LINGO1: variants seen among roughly 807,000 people sequenced by gnomAD.
LINGO1 encodes leucine rich repeat and Ig domain containing 1.
Under a neutral mutation model 37.3 loss-of-function variants are expected in LINGO1, and 11 were observed. The observed-to-expected ratio is 0.29, with a 90% CI of 0.19 to 0.49. The LOEUF (loss-of-function observed/expected upper bound fraction) is 0.49. Among genes scored for constraint, LINGO1 ranks in the 20% least tolerant of loss-of-function variants. The probability of loss-of-function intolerance (pLI) is 0.99; values close to 1 mark genes in which losing one functional copy is unlikely to be tolerated. For missense variants in LINGO1, 585 were observed against 878.2 expected, an observed-to-expected ratio of 0.67 and a Z score of 4.22; for synonymous variants, 387 against 403.0, an observed-to-expected ratio of 0.96 and a Z score of 0.48.
upstream of LINGO1, among the ~76,000 whole-genome samples, chr15:77,789,057 C>G (rs1027044507): frequency 3.9e-5 from 6 of 152,258 alleles, no homozygotes; most frequent in Admixed American, 6.5e-5. Context: ...CTGTGCACCC[C>G]ACGGCATGAG....
rs151212801 is a variant in LINGO1 at position 77,739,125 on chromosome 15, C to T, written c.-256-4072G>A. On this transcript the variant is annotated intron_variant, in intron 1 of 3. Coordinates refer to the LINGO1 transcript ENST00000561686. ...CCCATTCAGGAGGGAGCCTTGGGGG[C>T]GGCCGGCAGCTGAACGCAACCGGCG... 1.7e-3 allele frequency among the ~76,000 whole-genome samples: 258 copies of T among 152,358 alleles called. 1 individual carries two copies. The highest frequency in any genetic ancestry group is 6.0e-3 in the African/African-American group (248 of 41,598).
rs552924237 is a variant in LINGO1, at chr15:77,689,199, T to C, written c.-99+1521A>G. ...AGAGGTGGAGGGCAAGTGCAGAGCCTGGGTGTGGAAGAGGTTTCTCCAAAG... is the reference window on the plus strand; with the variant it reads ...AGAGGTGGAGGGCAAGTGCAGAGCCCGGGTGTGGAAGAGGTTTCTCCAAAG... On this transcript the variant is annotated intron_variant, in intron 2 of 3. Transcript: ENST00000559893. 2.3e-4 allele frequency among the ~76,000 whole-genome samples: 35 copies of C among 152,244 alleles called. No homozygotes were observed. The South Asian group carries it at 6.8e-3, about 30-fold the overall frequency.
At chr15:77,752,381 C>T (rs11072671) in intron 1 of LINGO1, among the ~76,000 whole-genome samples, 84,964 of 152,038 alleles carry the variant, frequency 0.56, 24,354 homozygotes, top group African/African-American at 0.69. Context: ...ATTATTTCAT[C>T]ATCCAAAGCC....
intron 2 of LINGO1, among the ~76,000 whole-genome samples, chr15:77,720,931 T>C (rs11631410): frequency 0.47 from 70,941 of 151,752 alleles, 17,069 homozygotes; most frequent in Admixed American, 0.59. Context: ...GCTGAAGGAC[T>C]GTCCCTCCCA....
chr15:77,628,352 G>A (rs538998485), intron 1 of LINGO1, among the ~76,000 whole-genome samples: 3 of 152,142 alleles, frequency 2.0e-5, no homozygotes, highest in Admixed American at 6.5e-5. Context: ...AGGATCACAT[G>A]ACAGAACATT....
At chr15:77,710,414 G>C (rs1437643358) in intron 2 of LINGO1, among the ~76,000 whole-genome samples, 2 of 152,230 alleles carry the variant, frequency 1.3e-5, no homozygotes, top group Non-Finnish European at 2.9e-5. Context: ...CCAGCTGGTA[G>C]AGAGTCTCGG....
intron 2 of LINGO1, among the ~76,000 whole-genome samples, chr15:77,712,585 C>T (rs2075931711): frequency 6.6e-6 from 1 of 152,168 alleles, no homozygotes; most frequent in Admixed American, 6.5e-5. Context: ...CCAGCAGTCC[C>T]AGCTCCAGCC....
At chr15:77,684,783 T>C (rs1008532630) in intron 2 of LINGO1, among the ~76,000 whole-genome samples, 22 of 152,120 alleles carry the variant, frequency 1.4e-4, no homozygotes, top group African/African-American at 4.8e-4. Flanking sequence ...TGACCTCCCA[T>C]GCACCTACTG....
chr15:77,631,260 C>T (rs918042423), intron 1 of LINGO1, among the ~76,000 whole-genome samples: 1 of 152,204 alleles, frequency 6.6e-6, no homozygotes, highest in Non-Finnish European at 1.5e-5. Flanking sequence ...GAGGGCTGGG[C>T]GAGCAGGAAG....
intron 1 of LINGO1, among the ~76,000 whole-genome samples, chr15:77,815,285 CG>C (rs1363279449): frequency 6.6e-6 from 1 of 152,124 alleles, no homozygotes; most frequent in East Asian, 1.9e-4. Flanking sequence ...CCTGAGGCCC[CG>C]GCCACCCCAC....
chr15:77,668,982 G>A (rs769254248), intron 3 of LINGO1, among the ~76,000 whole-genome samples: 78 of 152,364 alleles, frequency 5.1e-4, no homozygotes, highest in Non-Finnish European at 1.0e-3. Context: ...ACTAGACGCT[G>A]GGAAGCAAAG....
intron 1 of LINGO1, among the ~76,000 whole-genome samples, chr15:77,694,721 C>A (rs1294505088): frequency 2.0e-5 from 3 of 152,244 alleles, no homozygotes; most frequent in Non-Finnish European, 4.4e-5. Context: ...TAGACCAGTA[C>A]CAAATACTAG....
At chr15:77,771,831 C>T (rs572287355) in intron 1 of LINGO1, among the ~76,000 whole-genome samples, 2 of 152,324 alleles carry the variant, frequency 1.3e-5, no homozygotes, top group East Asian at 1.9e-4. Flanking sequence ...GCTCTGCATG[C>T]CTGTGGACAG....
chr15:77,816,062 T>G (rs1399278443), intron 1 of LINGO1, among the ~76,000 whole-genome samples: 4 of 152,112 alleles, frequency 2.6e-5, no homozygotes, highest in Non-Finnish European at 5.9e-5. Context: ...TGAGCATAGA[T>G]CAAGTGCCGG....
intron 2 of LINGO1, chr15:77,795,825 G>A (rs898527108): frequency 8.5e-5 from 13 of 152,448 alleles, no homozygotes; most frequent in Middle Eastern, 3.4e-3. Flanking sequence ...CCTCCTGGAC[G>A]TGGCTGCATG....
At chr15:77,790,184 C>T (rs538828297), upstream of LINGO1, among the ~76,000 whole-genome samples, 1 of 152,308 alleles carries the variant, frequency 6.6e-6, no homozygotes, top group Admixed American at 6.5e-5. Context: ...CAAACTAATA[C>T]ACCCACAGAC....
intron 2 of LINGO1, among the ~76,000 whole-genome samples, chr15:77,721,995 C>T (rs933744312): frequency 4.6e-5 from 7 of 152,154 alleles, no homozygotes; most frequent in Non-Finnish European, 8.8e-5. Flanking sequence ...GCTCACCTTC[C>T]GAGGCTGCCT....
intron 1 of LINGO1, among the ~76,000 whole-genome samples, chr15:77,805,009 G>T (rs976282804): frequency 6.6e-6 from 1 of 152,180 alleles, no homozygotes; most frequent in Admixed American, 6.5e-5. Context: ...CCCCTCCAGG[G>T]GCCTCCCTCG....
intron 2 of LINGO1, among the ~76,000 whole-genome samples, chr15:77,689,085 G>T (rs1226233991): frequency 1.3e-5 from 2 of 152,190 alleles, no homozygotes; most frequent in African/African-American, 4.8e-5. Flanking sequence ...TGAAAAGCAG[G>T]AAAGGGCAGA....
Sources: allele counts gnomAD v4.1 joint callset (sites outside exome capture counted in the v4.1 genomes callset), GRCh38; gene constraint gnomAD v4.1.1; transcripts MANE v1.5; gene names NCBI Gene and HGNC (gene_info 2026-07-23, HGNC 2026-07-21).